Variants in AKT3 observed in about 807,000 individuals in gnomAD.
AKT3 encodes RAC-gamma serine/threonine-protein kinase.
A neutral mutation model predicts 65.3 loss-of-function variants in AKT3; 15 were observed. The ratio of observed to expected loss-of-function variants is 0.23; its 90% CI spans 0.15 to 0.35. AKT3 has a LOEUF of 0.35. AKT3 is among the 10% of genes least tolerant of loss of function. AKT3 has a pLI of 1.00. For synonymous variants in AKT3, 206 were observed against 183.8 expected (o/e 1.12, Z -0.98); for missense variants, 243 against 576.5 (o/e 0.42, Z 5.92).
intron 3 of AKT3, among the ~76,000 whole-genome samples, chr1:243,682,063 T>C (rs1683963994): frequency 6.6e-6 from 1 of 151,986 alleles, no homozygotes; most frequent in Non-Finnish European, 1.5e-5. Context: ...CGCACAATCC[T>C]CTTTCTAGAA....
At chr1:243,811,903 C>G (rs374961771) in intron 2 of AKT3, among the ~76,000 whole-genome samples, 11 of 152,144 alleles carry the variant, frequency 7.2e-5, no homozygotes, top group South Asian at 4.2e-4. Context: ...ACAAACCTGA[C>G]AAAAACAAGC....
chr1:243,812,604 C>T (rs1347461513), intron 2 of AKT3, among the ~76,000 whole-genome samples: 1 of 152,144 alleles, frequency 6.6e-6, no homozygotes, highest in Non-Finnish European at 1.5e-5. Flanking sequence ...TTGTGGAAGA[C>T]AGTGTGGCGA....
At chr1:243,714,476 T>C (rs986936525) in intron 2 of AKT3, among the ~76,000 whole-genome samples, 6 of 152,206 alleles carry the variant, frequency 3.9e-5, no homozygotes, top group Non-Finnish European at 5.9e-5. Context: ...ATTTCTGATA[T>C]GTCACCATAA....
intron 12 of AKT3, among the ~76,000 whole-genome samples, chr1:243,516,518 G>A (rs1670365062): frequency 6.6e-6 from 1 of 152,102 alleles, no homozygotes; most frequent in Middle Eastern, 3.4e-3. Flanking sequence ...TGCTTACACT[G>A]TGTTTAACTT....
intron 2 of AKT3, among the ~76,000 whole-genome samples, chr1:243,805,557 C>T (rs1692671258): frequency 6.6e-6 from 1 of 152,156 alleles, no homozygotes; most frequent in African/African-American, 2.4e-5. Flanking sequence ...AAAAGTCTAG[C>T]TTCCTCCCTC....
chr1:243,578,372 T>C (rs1440428350), intron 8 of AKT3, among the ~76,000 whole-genome samples: 4 of 152,122 alleles, frequency 2.6e-5, no homozygotes, highest in African/African-American at 7.2e-5. Flanking sequence ...AATGAGCTCA[T>C]GTCCTCTGCA....
At chr1:243,510,646 G>T (rs1054860663) in intron 13 of AKT3, among the ~76,000 whole-genome samples, 16 of 152,216 alleles carry the variant, frequency 1.1e-4, no homozygotes, top group African/African-American at 3.9e-4. Flanking sequence ...GTGACGTGTG[G>T]CATGTTCGAG....
Position 243,499,968 on chromosome 1 carries a change from T to G in AKT3, c.*5281A>C, listed in dbSNP as rs1669093224. On this transcript the variant is annotated 3_prime_UTR_variant, in exon 14 of 14. Transcript: ENST00000673466. Reference sequence around the variant, plus strand: ...ACGCAGTCGGGCTGGAGCTGGAGTCTGACTCTAGCTGAGCAGAGCTCCTGG... The same window carrying G: ...ACGCAGTCGGGCTGGAGCTGGAGTCGGACTCTAGCTGAGCAGAGCTCCTGG... 16 of 647,854 alleles carry G rather than the reference T, an allele frequency of 2.5e-5. No homozygotes were observed. The South Asian group carries it at 2.8e-4, about 11-fold the overall frequency. 40.1% of individuals were successfully genotyped at this position (647,854 alleles called of 1,614,324 possible). A position where few individuals can be genotyped will look rare whatever the true frequency, so the allele number is the denominator to read the frequency against.
At position 243,502,513 on chromosome 1, in the gene AKT3, C is replaced by G. The variant is rs541508475; in HGVS notation, c.*2736G>C. 80 of 233,256 alleles carry G rather than the reference C, an allele frequency of 3.4e-4. No individual in the cohort carries two copies. Among genetic ancestry groups the G allele is most frequent in the Admixed American group, 1.7e-3 (30 of 17,804 alleles). The allele number at this position is 233,256 out of a possible 1,614,324, so 14.4% of individuals were successfully genotyped here. A position where few individuals can be genotyped will look rare whatever the true frequency, so the allele number is the denominator to read the frequency against. ...TGGGCTGGAGTCTGCAAAGTCTGAA[C>G]TGTATTCTCATAGAATGATTCCAGG... On this transcript the variant is annotated 3_prime_UTR_variant, in exon 14 of 14. Transcript: ENST00000673466.
intron 4 of AKT3, among the ~76,000 whole-genome samples, chr1:243,650,738 C>T (rs1681243070): frequency 1.3e-5 from 2 of 152,046 alleles, no homozygotes; most frequent in African/African-American, 4.8e-5. Context: ...TTTCTGAGGC[C>T]TCTGTTCTGT....
intron 2 of AKT3, among the ~76,000 whole-genome samples, chr1:243,760,014 C>T (rs1689385994): frequency 6.6e-6 from 1 of 152,286 alleles, no homozygotes; most frequent in East Asian, 1.9e-4. Flanking sequence ...ATTCATGTCA[C>T]CTGAGTGGAC....
At chr1:243,832,217 A>G (rs1394215433) in intron 2 of AKT3, among the ~76,000 whole-genome samples, 2 of 149,568 alleles carry the variant, frequency 1.3e-5, no homozygotes, top group East Asian at 4.0e-4. Context: ...ATATGAGCTT[A>G]AGAAAAAGCT....
At chr1:243,517,030 C>A (rs190699344) in intron 12 of AKT3, among the ~76,000 whole-genome samples, 1 of 152,266 alleles carries the variant, frequency 6.6e-6, no homozygotes, top group Non-Finnish European at 1.5e-5. Context: ...CAGCTAAACA[C>A]ATTGTGTTTT....
chr1:243,661,708 A>T lies in AKT3; in HGVS notation c.284+3064T>A, dbSNP rs532073872. On this transcript the variant is annotated intron_variant, in intron 4 of 13. Coordinates refer to ENST00000673466, the MANE Select transcript of AKT3 (RefSeq NM_005465.7). ...ACAAAAGCCAAAATTGACAAATGGG[A>T]TCTAATTAAACTAAAGAGCTTCTGC... Among the ~76,000 whole-genome samples, 6 of 150,856 alleles carry T rather than the reference A, an allele frequency of 4.0e-5. No individual in the cohort carries two copies. The East Asian group carries it at 7.8e-4, about 20-fold the overall frequency.
chr1:243,844,447 A>G (rs145500314), intron 1 of AKT3, among the ~76,000 whole-genome samples: 2 of 152,358 alleles, frequency 1.3e-5, no homozygotes, highest in East Asian at 3.9e-4. Context: ...TGCAAATAAC[A>G]AAACACAACA....
At chr1:243,574,927 A>T (rs1003452848) in intron 8 of AKT3, among the ~76,000 whole-genome samples, 10 of 152,254 alleles carry the variant, frequency 6.6e-5, no homozygotes, top group South Asian at 2.1e-4. Context: ...CCCTAAATCG[A>T]TATAATATAT....
chr1:243,502,617 C>CA lies in AKT3; in HGVS notation c.*2631dup, dbSNP rs1669387733. ...GGGAAGTTTTAGAAATCTCCCTCTACACGCATTTCTGGTTTTCTATTATTC... is the reference window on the plus strand; with the variant it reads ...GGGAAGTTTTAGAAATCTCCCTCTACAACGCATTTCTGGTTTTCTATTATTC... On this transcript the variant is annotated 3_prime_UTR_variant, in exon 14 of 14. Transcript: ENST00000673466. 5.1e-5 allele frequency: 12 copies of CA among 233,248 alleles called. No homozygotes were observed. In the East Asian group the frequency reaches 7.2e-4, roughly 14 times the overall value. 14.4% of individuals were successfully genotyped at this position (233,248 alleles called of 1,614,324 possible).
At chr1:243,720,298 C>T (rs1367655878) in intron 2 of AKT3, among the ~76,000 whole-genome samples, 2 of 149,692 alleles carry the variant, frequency 1.3e-5, no homozygotes, top group African/African-American at 2.5e-5. Flanking sequence ...AACTCAAACT[C>T]AAAAAAAATT....
intron 8 of AKT3, among the ~76,000 whole-genome samples, chr1:243,603,048 C>T (rs1374720171): frequency 6.6e-6 from 1 of 152,178 alleles, no homozygotes; most frequent in African/African-American, 2.4e-5. Flanking sequence ...CTACTTTATT[C>T]TCCCAGGATA....
Sources: allele counts gnomAD v4.1 joint callset (sites outside exome capture counted in the v4.1 genomes callset), GRCh38; gene constraint gnomAD v4.1.1; transcripts MANE v1.5; gene names NCBI Gene and HGNC (gene_info 2026-07-23, HGNC 2026-07-21).